KCNQ1OT1: variants seen among roughly 807,000 people sequenced by gnomAD.
The protein encoded by KCNQ1OT1 is KCNQ1 opposite strand/antisense transcript 1.
At position 2,691,661 on chromosome 11, in the gene KCNQ1OT1, G is replaced by A. The variant is rs527957277; in HGVS notation, n.8334C>T. On this transcript the variant is annotated non_coding_transcript_exon_variant, in exon 1 of 1. Transcript: ENST00000597346. The surrounding 1 kb of genome is among the most constrained non-coding windows in gnomAD (Gnocchi z 6.4). ...TCTTTACCGCCACAGTTCCAAGGGT[G>A]AAACAGAGAACCAGGTGGGGAAGGG... 226 of 398,584 alleles carry A rather than the reference G, an allele frequency of 5.7e-4. No individual in the cohort carries two copies. Among genetic ancestry groups the A allele is most frequent in the Middle Eastern group, 2.5e-3 (4 of 1,586 alleles). 24.7% of individuals were successfully genotyped at this position (398,584 alleles called of 1,614,324 possible).
chr11:2,675,029 G>T (rs1850267838), exon 1 of KCNQ1OT1: 5 of 398,516 alleles, frequency 1.3e-5, no homozygotes, highest in Admixed American at 4.4e-5. Context: ...CTCTGCCAGA[G>T]CCCAGGTGGG....
rs3831584 is a variant in KCNQ1OT1 at position 2,682,475 on chromosome 11, CGAGTGAGT to C, written n.17512_17519del. On this transcript the variant is annotated non_coding_transcript_exon_variant, in exon 1 of 1. Coordinates refer to ENST00000597346, the Ensembl canonical transcript of KCNQ1OT1. The surrounding 1 kb of genome is among the most constrained non-coding windows in gnomAD (Gnocchi z 5.8). ...TCACGGACCCTCAGTGAATGTTTGA[CGAGTGAGT>C]GAGTGAGTGAGTGAGTGAGTGAGTA... The C allele has an allele frequency of 1.5e-4, 61 of 394,096 alleles. No homozygotes were observed. Among genetic ancestry groups the C allele is most frequent in the Middle Eastern group, 6.3e-4 (1 of 1,578 alleles). The allele number at this position is 394,096 out of a possible 1,614,324, so 24.4% of individuals were successfully genotyped here.
Position 2,674,118 on chromosome 11 carries a change from G to A in KCNQ1OT1, n.25877C>T, listed in dbSNP as rs1368733320. On this transcript the variant is annotated non_coding_transcript_exon_variant, in exon 1 of 1. Transcript: ENST00000597346. This position sits in a 1 kb window ranked among gnomAD's most constrained non-coding sequence, Gnocchi z 5.9. ...CGGTGGGGAGGGAGGTGTGGAAGCT[G>A]GTTTGCCGGGGCCACCCAGTGTGGG... 1 of 398,596 alleles carries A rather than the reference G, an allele frequency of 2.5e-6. No homozygotes were observed. The highest frequency in any genetic ancestry group is 4.4e-6 in the Non-Finnish European group (1 of 226,172). 24.7% of individuals were successfully genotyped at this position (398,596 alleles called of 1,614,324 possible).
rs533680207 is a variant in KCNQ1OT1 at position 2,610,970 on chromosome 11, A to T, written n.89025T>A. On this transcript the variant is annotated non_coding_transcript_exon_variant, in exon 1 of 1. Coordinates refer to ENST00000597346, the Ensembl canonical transcript of KCNQ1OT1. The stretch of plus-strand genomic sequence containing the variant: ...AGAACAACAAGACAGAAAATCAACA[A>T]GAGTTAGTACTATTATTGTTGAGTT... 2.8e-5 allele frequency: 11 copies of T among 398,116 alleles called. No individual in the cohort carries two copies. The South Asian group carries it at 1.4e-3, about 51-fold the overall frequency. The allele number at this position is 398,116 out of a possible 1,614,324, so 24.7% of individuals were successfully genotyped here.
Position 2,677,476 on chromosome 11 carries a change from G to A in KCNQ1OT1, n.22519C>T. 1 of 398,514 alleles carries A rather than the reference G, an allele frequency of 2.5e-6. No homozygotes were observed. Among genetic ancestry groups the A allele is most frequent in the Non-Finnish European group, 4.4e-6 (1 of 226,040 alleles). The allele number at this position is 398,514 out of a possible 1,614,324, so 24.7% of individuals were successfully genotyped here. A position where few individuals can be genotyped will look rare whatever the true frequency, so the allele number is the denominator to read the frequency against. On this transcript the variant is annotated non_coding_transcript_exon_variant, in exon 1 of 1. Coordinates refer to ENST00000597346, the Ensembl canonical transcript of KCNQ1OT1. The surrounding 1 kb of genome is among the most constrained non-coding windows in gnomAD (Gnocchi z 4.5). ...CCTCTTGGTCAAGCAGTGAAACCAT[G>A]CCATACTTCTACAAAAAATGATCCT...
chr11:2,652,036 G>A lies in KCNQ1OT1; in HGVS notation n.47959C>T, dbSNP rs1245408482. The A allele has an allele frequency of 7.5e-6, 3 of 398,514 alleles. No individual in the cohort carries two copies. The highest frequency in any genetic ancestry group is 1.3e-5 in the Non-Finnish European group (3 of 226,102). The allele number at this position is 398,514 out of a possible 1,614,324, so 24.7% of individuals were successfully genotyped here. On this transcript the variant is annotated non_coding_transcript_exon_variant, in exon 1 of 1. Coordinates refer to ENST00000597346, the Ensembl canonical transcript of KCNQ1OT1. The surrounding 1 kb of genome is among the most constrained non-coding windows in gnomAD (Gnocchi z 5.9). Reference sequence around the variant, plus strand: ...ATGTTGAGCCTCCCCCCAGTTCTGGGGTGGCTCTGACTGTGTCCAGGCTCC... The same window carrying A: ...ATGTTGAGCCTCCCCCCAGTTCTGGAGTGGCTCTGACTGTGTCCAGGCTCC...
Position 2,690,117 on chromosome 11 carries a change from G to C in KCNQ1OT1, n.9878C>G, listed in dbSNP as rs1850564188. 3 of 398,900 alleles carry C rather than the reference G, an allele frequency of 7.5e-6. No homozygotes were observed. The highest frequency in any genetic ancestry group is 4.4e-5 in the Admixed American group (1 of 22,722). 24.7% of individuals were successfully genotyped at this position (398,900 alleles called of 1,614,324 possible). On this transcript the variant is annotated non_coding_transcript_exon_variant, in exon 1 of 1. Coordinates refer to ENST00000597346, the Ensembl canonical transcript of KCNQ1OT1. This position sits in a 1 kb window ranked among gnomAD's most constrained non-coding sequence, Gnocchi z 5.1. ...CAATCGCTCTTCCGGGGTTAGAACT[G>C]GGGGAGCAGGGACAAAAAGCGGGCA...
chr11:2,621,048 G>A lies in KCNQ1OT1; in HGVS notation n.78947C>T. ...GCTGGAGTGCAGTGGCGCAATCTCG[G>A]CTCACTGCAACCTCCACCTCCTGGG... On this transcript the variant is annotated non_coding_transcript_exon_variant, in exon 1 of 1. Coordinates refer to ENST00000597346, the Ensembl canonical transcript of KCNQ1OT1. This position sits in a 1 kb window ranked among gnomAD's most constrained non-coding sequence, Gnocchi z 5.7. The A allele has an allele frequency of 2.5e-6, 1 of 397,004 alleles. No individual in the cohort carries two copies. The allele number at this position is 397,004 out of a possible 1,614,324, so 24.6% of individuals were successfully genotyped here.
chr11:2,650,531 T>C (rs1849741097), exon 1 of KCNQ1OT1: 1 of 398,568 alleles, frequency 2.5e-6, no homozygotes, highest in Non-Finnish European at 4.4e-6. Flanking sequence ...ACATCAGTGG[T>C]ATCTGCAAGT....
Position 2,612,942 on chromosome 11 carries a change from C to T in KCNQ1OT1, n.87053G>A. The T allele has an allele frequency of 2.5e-6, 1 of 398,558 alleles. No homozygotes were observed. Among genetic ancestry groups the T allele is most frequent in the Non-Finnish European group, 4.4e-6 (1 of 226,056 alleles). The allele number at this position is 398,558 out of a possible 1,614,324, so 24.7% of individuals were successfully genotyped here. On this transcript the variant is annotated non_coding_transcript_exon_variant, in exon 1 of 1. Coordinates refer to ENST00000597346, the Ensembl canonical transcript of KCNQ1OT1. The surrounding 1 kb of genome is among the most constrained non-coding windows in gnomAD (Gnocchi z 5.5). ...TGTGTATGCCTTCTCTGCATGGATT[C>T]TGCAGAGTCTGTGTTCTCCTGCAGT...
At position 2,647,791 on chromosome 11, in the gene KCNQ1OT1, T is replaced by C. The variant is rs1590003538; in HGVS notation, n.52204A>G. The C allele has an allele frequency of 5.0e-6, 2 of 398,564 alleles. No individual in the cohort carries two copies. The highest frequency in any genetic ancestry group is 7.1e-5 in the East Asian group (2 of 28,066). 24.7% of individuals were successfully genotyped at this position (398,564 alleles called of 1,614,324 possible). ...CTAATTGTTGACATATAGTTGTTCA[T>C]AATGGTCTCTAATAATCTTTTGTAT... On this transcript the variant is annotated non_coding_transcript_exon_variant, in exon 1 of 1. Coordinates refer to ENST00000597346, the Ensembl canonical transcript of KCNQ1OT1. The surrounding 1 kb of genome is among the most constrained non-coding windows in gnomAD (Gnocchi z 4.0).
chr11:2,661,831 T>C lies in KCNQ1OT1; in HGVS notation n.38164A>G, dbSNP rs1849961373. 1 of 1,175,528 alleles carries C rather than the reference T, an allele frequency of 8.5e-7. No individual in the cohort carries two copies. The highest frequency in any genetic ancestry group is 1.3e-6 in the Non-Finnish European group (1 of 797,024). The allele number at this position is 1,175,528 out of a possible 1,614,324, so 72.8% of individuals were successfully genotyped here. On this transcript the variant is annotated non_coding_transcript_exon_variant, in exon 1 of 1. Coordinates refer to ENST00000597346, the Ensembl canonical transcript of KCNQ1OT1. The surrounding 1 kb of genome is among the most constrained non-coding windows in gnomAD (Gnocchi z 5.9). ...CCCCAACACCCAACTATAAAACTGATTGTCAGGGCTGGAGCTTCCAGGCAC... is the reference window on the plus strand; with the variant it reads ...CCCCAACACCCAACTATAAAACTGACTGTCAGGGCTGGAGCTTCCAGGCAC...
At position 2,698,027 on chromosome 11, in the gene KCNQ1OT1, C is replaced by A. The variant is rs1315387837; in HGVS notation, n.1968G>T. The A allele has an allele frequency of 2.5e-6, 1 of 398,524 alleles. No individual in the cohort carries two copies. The highest frequency in any genetic ancestry group is 4.4e-6 in the Non-Finnish European group (1 of 226,074). 24.7% of individuals were successfully genotyped at this position (398,524 alleles called of 1,614,324 possible). A position where few individuals can be genotyped will look rare whatever the true frequency, so the allele number is the denominator to read the frequency against. On this transcript the variant is annotated non_coding_transcript_exon_variant, in exon 1 of 1. Transcript: ENST00000597346. The surrounding 1 kb of genome is among the most constrained non-coding windows in gnomAD (Gnocchi z 5.1). ...CTGGAAAACAGGTGCAGAAATGGAT[C>A]ATTTGAGACACCATAGAAATCTGGT...
At position 2,620,221 on chromosome 11, in the gene KCNQ1OT1, T is replaced by A. The variant is rs868690245; in HGVS notation, n.79774A>T. 1.9e-3 allele frequency: 539 copies of A among 280,184 alleles called. 3 individuals are homozygous for A. Among genetic ancestry groups the A allele is most frequent in the African/African-American group, 0.01 (454 of 44,524 alleles). The allele number at this position is 280,184 out of a possible 1,614,324, so 17.4% of individuals were successfully genotyped here. A position where few individuals can be genotyped will look rare whatever the true frequency, so the allele number is the denominator to read the frequency against. On this transcript the variant is annotated non_coding_transcript_exon_variant, in exon 1 of 1. Coordinates refer to ENST00000597346, the Ensembl canonical transcript of KCNQ1OT1. This position sits in a 1 kb window ranked among gnomAD's most constrained non-coding sequence, Gnocchi z 4.5. The stretch of plus-strand genomic sequence containing the variant: ...CATGTATATATATATATTTTTTTTT[T>A]TTATTTTTTTTTTAGACGGAGTTTC...
Position 2,668,022 on chromosome 11 carries a change from C to T in KCNQ1OT1, n.31973G>A, listed in dbSNP as rs1850114676. 1.0e-5 allele frequency: 4 copies of T among 398,496 alleles called. No homozygotes were observed. Among genetic ancestry groups the T allele is most frequent in the Non-Finnish European group, 8.8e-6 (2 of 226,072 alleles). The allele number at this position is 398,496 out of a possible 1,614,324, so 24.7% of individuals were successfully genotyped here. A position where few individuals can be genotyped will look rare whatever the true frequency, so the allele number is the denominator to read the frequency against. On this transcript the variant is annotated non_coding_transcript_exon_variant, in exon 1 of 1. Transcript: ENST00000597346. This position sits in a 1 kb window ranked among gnomAD's most constrained non-coding sequence, Gnocchi z 4.3. Reference sequence around the variant, plus strand: ...GATTAACCACAGGCCTAACTGCTAGCAGCAAGGACCAGCTTTGCCCACATT... The same window carrying T: ...GATTAACCACAGGCCTAACTGCTAGTAGCAAGGACCAGCTTTGCCCACATT...
chr11:2,643,373 T>A (rs1849609336), exon 1 of KCNQ1OT1: 2 of 398,292 alleles, frequency 5.0e-6, no homozygotes, highest in African/African-American at 4.1e-5. Flanking sequence ...AATTGTTATA[T>A]CCTCTTGGTC....
At chr11:2,689,008 G>A (rs3889336) in exon 1 of KCNQ1OT1, 1 of 398,624 alleles carries the variant, frequency 2.5e-6, no homozygotes, top group Non-Finnish European at 4.4e-6. Context: ...CAGGTCCCTG[G>A]GTTGGAATCC....
Position 2,652,383 on chromosome 11 carries a change from A to T in KCNQ1OT1, n.47612T>A. On this transcript the variant is annotated non_coding_transcript_exon_variant, in exon 1 of 1. Coordinates refer to ENST00000597346, the Ensembl canonical transcript of KCNQ1OT1. The surrounding 1 kb of genome is among the most constrained non-coding windows in gnomAD (Gnocchi z 5.9). Reference sequence around the variant, plus strand: ...GAAGGTGAAAAGATCGCTCTTAATTAGATTAAAAACATTTTTTTCTTCCTG... The same window carrying T: ...GAAGGTGAAAAGATCGCTCTTAATTTGATTAAAAACATTTTTTTCTTCCTG... 1 of 398,666 alleles carries T rather than the reference A, an allele frequency of 2.5e-6. No homozygotes were observed. The highest frequency in any genetic ancestry group is 3.6e-5 in the East Asian group (1 of 28,082). 24.7% of individuals were successfully genotyped at this position (398,666 alleles called of 1,614,324 possible).
Position 2,651,758 on chromosome 11 carries a change from C to A in KCNQ1OT1, n.48237G>T. 2.5e-6 allele frequency: 1 copy of A among 398,628 alleles called. No individual in the cohort carries two copies. The highest frequency in any genetic ancestry group is 2.1e-5 in the African/African-American group (1 of 48,724). The allele number at this position is 398,628 out of a possible 1,614,324, so 24.7% of individuals were successfully genotyped here. A position where few individuals can be genotyped will look rare whatever the true frequency, so the allele number is the denominator to read the frequency against. On this transcript the variant is annotated non_coding_transcript_exon_variant, in exon 1 of 1. Coordinates refer to ENST00000597346, the Ensembl canonical transcript of KCNQ1OT1. The surrounding 1 kb of genome is among the most constrained non-coding windows in gnomAD (Gnocchi z 6.1). Reference sequence around the variant, plus strand: ...ACGTTTTCTCTGATTACTGGAAATTCCTCAAGTGTTGACCATTTTGATTCC... The same window carrying A: ...ACGTTTTCTCTGATTACTGGAAATTACTCAAGTGTTGACCATTTTGATTCC...
Sources: gnomAD v4.1 joint callset for allele counts on GRCh38, gnomAD v4.1.1 for gene constraint, Gnocchi (gnomAD v3.1) non-coding constraint, MANE v1.5 for transcripts, NCBI Gene and HGNC (gene_info 2026-07-23, HGNC 2026-07-21) for gene names.